Variants in UNC13C observed in about 807,000 individuals in gnomAD.
The protein encoded by UNC13C is protein unc-13 homolog C.
Under a neutral mutation model 245.4 loss-of-function variants are expected in UNC13C, and 174 were observed. The observed-to-expected ratio is 0.71, with a 90% CI of 0.63 to 0.80. UNC13C has a LOEUF of 0.80. Ranked by LOEUF, UNC13C falls within the 30% of genes least tolerant of loss-of-function variation. The pLI, the probability that UNC13C is intolerant of heterozygous loss-of-function variation, is 0.00. For synonymous variants in UNC13C, 992 were observed against 895.1 expected, an observed-to-expected ratio of 1.11 and a Z score of -1.93; for missense variants, 2,829 against 2,602.9, an observed-to-expected ratio of 1.09 and a Z score of -1.89.
chr15:54,475,463 C>G (rs1256673993), intron 19 of UNC13C, among the ~76,000 whole-genome samples: 1 of 151,720 alleles, frequency 6.6e-6, no homozygotes, highest in Admixed American at 6.6e-5. Flanking sequence ...CCCTCTCCCC[C>G]CACCCCACAA....
the UNC13C span, chr15:53,955,632 GT>G: frequency 6.6e-6 from 1 of 152,178 alleles, no homozygotes; most frequent in African/African-American, 2.4e-5. Flanking sequence ...GTGATAATGT[GT>G]AGGGATATAA....
chr15:54,092,272 T>A (rs1397814364), intron 2 of UNC13C, among the ~76,000 whole-genome samples: 1 of 152,194 alleles, frequency 6.6e-6, no homozygotes, highest in East Asian at 1.9e-4. Context: ...GATTTATTTT[T>A]ACTGTGAGCT....
At chr15:53,954,574 G>A in the UNC13C span, among the ~76,000 whole-genome samples, 1 of 152,276 alleles carries the variant, frequency 6.6e-6, no homozygotes, top group African/African-American at 2.4e-5. Flanking sequence ...TCCAACATTA[G>A]ATGTCACCGT....
chr15:54,432,244 TTAAG>T (rs1193533114), intron 19 of UNC13C, among the ~76,000 whole-genome samples: 3 of 151,608 alleles, frequency 2.0e-5, no homozygotes, highest in African/African-American at 7.3e-5. Context: ...TCTTGCTTAT[TTAAG>T]TAAGAGCGAC....
At chr15:53,904,950 G>T in the UNC13C span, among the ~76,000 whole-genome samples, 1 of 152,096 alleles carries the variant, frequency 6.6e-6, no homozygotes, top group Admixed American at 6.6e-5. Flanking sequence ...GTAAGTGTTG[G>T]ATATGTTTTT....
At chr15:54,346,845 C>T (rs2038870390) in intron 17 of UNC13C, among the ~76,000 whole-genome samples, 1 of 152,120 alleles carries the variant, frequency 6.6e-6, no homozygotes, top group African/African-American at 2.4e-5. Context: ...GATATCTATC[C>T]AGCAGATACC....
chr15:54,531,995 T>C (rs1289712801), intron 25 of UNC13C, among the ~76,000 whole-genome samples: 2 of 152,058 alleles, frequency 1.3e-5, no homozygotes. Context: ...TTGATTTATA[T>C]GGTGGCAGTG....
intron 2 of UNC13C, among the ~76,000 whole-genome samples, chr15:54,058,633 C>G (rs1290068344): frequency 2.6e-5 from 4 of 152,148 alleles, no homozygotes; most frequent in Non-Finnish European, 5.9e-5. Context: ...CATTCTGATA[C>G]CAAAGCCGGG....
chr15:54,186,273 C>G (rs1294727377), intron 4 of UNC13C, among the ~76,000 whole-genome samples: 1 of 152,138 alleles, frequency 6.6e-6, no homozygotes, highest in Admixed American at 6.6e-5. Flanking sequence ...TCTTCTCCTG[C>G]CTGATTTCCC....
At chr15:54,553,473 CATTT>C (rs1273679915) in intron 28 of UNC13C, among the ~76,000 whole-genome samples, 3 of 133,080 alleles carry the variant, frequency 2.3e-5, no homozygotes, top group East Asian at 2.1e-4. Context: ...TTACAGAAAA[CATTT>C]ATAATGTGTA....
At chr15:54,007,741 C>T (rs945402501) in intron 1 of UNC13C, among the ~76,000 whole-genome samples, 2 of 152,144 alleles carry the variant, frequency 1.3e-5, no homozygotes, top group Non-Finnish European at 2.9e-5. Flanking sequence ...CAAACCTGCA[C>T]ATCCAGCCCA....
intron 30 of UNC13C, among the ~76,000 whole-genome samples, chr15:54,594,981 G>C (rs753115604): frequency 6.6e-6 from 1 of 152,212 alleles, no homozygotes; most frequent in Non-Finnish European, 1.5e-5. Flanking sequence ...TTTGTTCTTA[G>C]GGCAGATGGA....
intron 23 of UNC13C, among the ~76,000 whole-genome samples, chr15:54,508,761 ATACT>A (rs899193745): frequency 6.6e-5 from 10 of 152,184 alleles, no homozygotes; most frequent in South Asian, 2.1e-4. Flanking sequence ...ACTATTACAG[ATACT>A]TATTTATAAT....
chr15:54,247,765 G>GTT (rs78152864), intron 7 of UNC13C, among the ~76,000 whole-genome samples: 1 of 144,042 alleles, frequency 6.9e-6, no homozygotes, highest in African/African-American at 2.5e-5. Flanking sequence ...AATGTTTCAT[G>GTT]TTTTTTTTTT....
In UNC13C at chr15:54,027,445, T is replaced by G. The variant is rs1483822608; in HGVS notation, c.2983+11559T>G. On this transcript the variant is annotated intron_variant, in intron 2 of 32. Coordinates refer to ENST00000260323, the MANE Select transcript of UNC13C (RefSeq NM_001080534.3). ...GTGCAGTGGCAGGATCTCGGCTCAC[T>G]GCAACCTCCACCCCTCCGGATTCAA... Among the ~76,000 whole-genome samples the G allele has an allele frequency of 9.2e-5, 14 of 152,300 alleles. No individual in the cohort carries two copies. In the East Asian group the frequency reaches 2.7e-3, roughly 29 times the overall value.
chr15:54,287,070 G>A (rs914796682), intron 10 of UNC13C, among the ~76,000 whole-genome samples: 3 of 152,128 alleles, frequency 2.0e-5, no homozygotes, highest in African/African-American at 7.2e-5. Context: ...GTTGATAAAA[G>A]AAAAGCCAAA....
intron 4 of UNC13C, among the ~76,000 whole-genome samples, chr15:54,220,695 G>A (rs2035199257): frequency 6.6e-6 from 1 of 151,912 alleles, no homozygotes; most frequent in South Asian, 2.1e-4. Context: ...TTCATTGCCT[G>A]CACACTTGTA....
chr15:54,003,144 A>G (rs1467479661), intron 1 of UNC13C, among the ~76,000 whole-genome samples: 1 of 152,206 alleles, frequency 6.6e-6, no homozygotes, highest in African/African-American at 2.4e-5. Context: ...GAATTCAGCT[A>G]AAGGAGCTCT....
chr15:54,057,552 C>G (rs571600801), intron 2 of UNC13C, among the ~76,000 whole-genome samples: 20 of 152,116 alleles, frequency 1.3e-4, no homozygotes, highest in Non-Finnish European at 2.5e-4. Flanking sequence ...GACAGATCAA[C>G]AAGACAGAAA....
Sources: gnomAD v4.1 joint callset for allele counts (sites outside exome capture counted in the v4.1 genomes callset) on GRCh38, gnomAD v4.1.1 for gene constraint, MANE v1.5 for transcripts, NCBI Gene and HGNC (gene_info 2026-07-23, HGNC 2026-07-21) for gene names.